Variants in PTPRS observed in about 807,000 individuals in gnomAD.
PTPRS encodes protein tyrosine phosphatase receptor type S.
Under a neutral mutation model 215.3 loss-of-function variants are expected in PTPRS, and 63 were observed. That is an observed-to-expected ratio of 0.29 (90% CI 0.24 to 0.36). The LOEUF (loss-of-function observed/expected upper bound fraction) is 0.36, where lower values mean the gene tolerates loss of function less well. Ranked by LOEUF, PTPRS falls within the 10% of genes least tolerant of loss-of-function variation. PTPRS has a pLI of 1.00. For synonymous variants in PTPRS, 1,404 were observed against 1,191.4 expected, an observed-to-expected ratio of 1.18 and a Z score of -3.68; for missense variants, 2,258 against 2,825.8, an observed-to-expected ratio of 0.80 and a Z score of 4.56.
At chr19:5,212,535 C>T in intron 30 of PTPRS, 44 bp from the exon 31 acceptor site, 2 of 1,542,258 alleles carry the variant, frequency 1.3e-6, no homozygotes, top group Non-Finnish European at 1.8e-6. Flanking sequence ...GCTCAACCTG[C>T]CACCCATGTG....
intron 9 of PTPRS, among the ~76,000 whole-genome samples, 161 bp downstream of exon 9, chr19:5,255,947 T>C (rs538937282): frequency 6.6e-6 from 1 of 151,710 alleles, no homozygotes; most frequent in South Asian, 2.1e-4. Context: ...TTATGATTCA[T>C]ATTCCATCTT....
intron 17 of PTPRS, among the ~76,000 whole-genome samples, chr19:5,224,744 G>A (rs1003740785): frequency 1.3e-5 from 2 of 152,160 alleles, no homozygotes; most frequent in African/African-American, 2.4e-5. Context: ...GAAGAAGGGA[G>A]GGAGAGATCA....
intron 2 of PTPRS, among the ~76,000 whole-genome samples, chr19:5,276,284 G>A (rs2047353262): frequency 6.6e-6 from 1 of 152,116 alleles, no homozygotes; most frequent in Non-Finnish European, 1.5e-5. Context: ...GTGCAGTGGT[G>A]CCATCTCGGC....
chr19:5,265,331 C>A, intron 4 of PTPRS, 135 bp from the exon 5 acceptor site: 2 of 735,412 alleles, frequency 2.7e-6, no homozygotes, highest in South Asian at 1.9e-5. Context: ...TGGGTGCCAT[C>A]CTTTACAGCC....
intron 1 of PTPRS, among the ~76,000 whole-genome samples, chr19:5,291,611 G>C (rs1332558831): frequency 6.6e-6 from 1 of 151,906 alleles, no homozygotes; most frequent in Non-Finnish European, 1.5e-5. Context: ...TTCCCGAAAG[G>C]TCCTGCAGTT....
Position 5,229,662 on chromosome 19 carries a change from C to T in PTPRS, c.2178G>A (p.Lys726=). 7.8e-7 allele frequency: 1 copy of T among 1,277,898 alleles called. No individual in the cohort carries two copies. Among genetic ancestry groups the T allele is most frequent in the Non-Finnish European group, 9.8e-7 (1 of 1,017,116 alleles). The allele number at this position is 1,277,898 out of a possible 1,614,324, so 79.2% of individuals were successfully genotyped here. A position where few individuals can be genotyped will look rare whatever the true frequency, so the allele number is the denominator to read the frequency against. ...TGGCGTTGAGCGCCTCCGCCTCCAC[C>T]TTCCGCGGCGGCGCGCTGGGCACTG... The part of the protein sequence containing the change: ...DEDVPSAPPR[K]VEAEALNATA... Residue 726 remains lysine (K), a synonymous_variant, in exon 15 of 38, where the codon AAG becomes AAA. Coordinates refer to ENST00000262963, the MANE Select transcript of PTPRS (RefSeq NM_002850.4).
chr19:5,228,176 T>G (rs973716322), intron 16 of PTPRS, among the ~76,000 whole-genome samples: 1 of 151,250 alleles, frequency 6.6e-6, no homozygotes, highest in African/African-American at 2.4e-5. Flanking sequence ...TGCCTGTTTG[T>G]TTGTTTATTA....
intron 1 of PTPRS, among the ~76,000 whole-genome samples, chr19:5,329,681 C>T (rs1341372861): frequency 4.0e-5 from 6 of 151,772 alleles, no homozygotes; most frequent in African/African-American, 1.5e-4. Flanking sequence ...AGGAGAATGG[C>T]GTGAACCCGG....
At chr19:5,214,524 T>A (rs376519140) in intron 29 of PTPRS, 37 bp downstream of exon 29, 48 of 1,612,172 alleles carry the variant, frequency 3.0e-5, no homozygotes, top group South Asian at 2.9e-4. Flanking sequence ...ACAGGCTGAC[T>A]GGCAGGGGCT....
intron 1 of PTPRS, among the ~76,000 whole-genome samples, chr19:5,314,852 A>C (rs1018522439): frequency 3.3e-5 from 5 of 152,212 alleles, no homozygotes; most frequent in Non-Finnish European, 7.3e-5. Flanking sequence ...CAGGGGCTTC[A>C]GATGAACCTC....
At chr19:5,224,328 G>C (rs1399801428) in intron 17 of PTPRS, among the ~76,000 whole-genome samples, 1 of 151,258 alleles carries the variant, frequency 6.6e-6, no homozygotes, top group Non-Finnish European at 1.5e-5. Flanking sequence ...CTGGGCTAGG[G>C]GCGCATAAAG....
intron 13 of PTPRS, among the ~76,000 whole-genome samples, chr19:5,235,814 T>C (rs1373656100): frequency 1.3e-5 from 2 of 152,232 alleles, no homozygotes; most frequent in African/African-American, 4.8e-5. Flanking sequence ...TGAATAACAC[T>C]GAGAGTTCCC....
chr19:5,336,802 C>T (rs567356084), intron 1 of PTPRS, among the ~76,000 whole-genome samples: 348 of 14,142 alleles, frequency 0.025, no homozygotes, highest in Admixed American at 0.058. Flanking sequence ...GGGGCGGCGG[C>T]GGGTGGTGGG....
intron 2 of PTPRS, among the ~76,000 whole-genome samples, chr19:5,283,587 C>G (rs1177196759): frequency 6.6e-6 from 1 of 150,864 alleles, no homozygotes; most frequent in Non-Finnish European, 1.5e-5. Flanking sequence ...AAAAAAAAAA[C>G]AAAAGAAAAG....
At chr19:5,284,438 C>T (rs963788296) in intron 2 of PTPRS, among the ~76,000 whole-genome samples, 3 of 151,880 alleles carry the variant, frequency 2.0e-5, no homozygotes, top group Admixed American at 1.3e-4. Context: ...AGGTCAGGCA[C>T]AGTGGCTCAT....
intron 1 of PTPRS, among the ~76,000 whole-genome samples, chr19:5,330,965 G>A (rs1443460230): frequency 6.6e-6 from 1 of 152,050 alleles, no homozygotes; most frequent in East Asian, 1.9e-4. Flanking sequence ...ATGGGGCAGT[G>A]GAACCAGGAC....
chr19:5,248,456 C>T (rs1231755056), intron 9 of PTPRS, among the ~76,000 whole-genome samples: 1 of 152,000 alleles, frequency 6.6e-6, no homozygotes, highest in Non-Finnish European at 1.5e-5. Context: ...AGGACTGTGG[C>T]TTCCCCAGGG....
rs539710272 is a variant in PTPRS, at chr19:5,244,796, A to G, written c.989-314T>C. Among the ~76,000 whole-genome samples the G allele has an allele frequency of 1.3e-5, 2 of 151,270 alleles. No homozygotes were observed. The highest frequency in any genetic ancestry group is 4.9e-5 in the African/African-American group (2 of 41,018). ...ACAATTCTCCTGCCTCAGCCTCCCGAGTAGCTGGGACGACAGGCGCCTGCC... is the reference window on the plus strand; with the variant it reads ...ACAATTCTCCTGCCTCAGCCTCCCGGGTAGCTGGGACGACAGGCGCCTGCC... On this transcript the variant is annotated intron_variant, in intron 10 of 37. Transcript: ENST00000262963. The surrounding 1 kb of genome is among the most constrained non-coding windows in gnomAD (Gnocchi z 7.2).
In PTPRS at chr19:5,237,177, C is replaced by T. The variant is rs879462510; in HGVS notation, c.1849+1742G>A. On this transcript the variant is annotated intron_variant, in intron 13 of 37. Coordinates refer to ENST00000262963, the MANE Select transcript of PTPRS (RefSeq NM_002850.4). The surrounding 1 kb of genome is among the most constrained non-coding windows in gnomAD (Gnocchi z 4.2). ...CAGCCCTGCTCCAGCCCCCAGCGTGCGCACGCTGAGGTTCCAGGCTGGAGG... is the reference window on the plus strand; with the variant it reads ...CAGCCCTGCTCCAGCCCCCAGCGTGTGCACGCTGAGGTTCCAGGCTGGAGG... Among the ~76,000 whole-genome samples the T allele has an allele frequency of 2.6e-5, 4 of 152,248 alleles. No individual in the cohort carries two copies. Among genetic ancestry groups the T allele is most frequent in the Admixed American group, 6.5e-5 (1 of 15,298 alleles).
Sources: allele counts gnomAD v4.1 joint callset (sites outside exome capture counted in the v4.1 genomes callset), GRCh38; gene constraint gnomAD v4.1.1; non-coding constraint Gnocchi (gnomAD v3.1); transcripts MANE v1.5; gene names NCBI Gene and HGNC (gene_info 2026-07-23, HGNC 2026-07-21).